Variants in KDM5A observed in about 807,000 individuals in gnomAD.
KDM5A encodes lysine-specific demethylase 5A.
In KDM5A, 42 loss-of-function variants were observed where a neutral mutation model predicts 193.5. The observed-to-expected ratio is 0.22, with a 90% CI of 0.17 to 0.28. KDM5A has a LOEUF of 0.28. KDM5A is among the 10% of genes least tolerant of loss of function. The probability of loss-of-function intolerance (pLI) is 1.00; values close to 1 mark genes in which losing one functional copy is unlikely to be tolerated. For synonymous variants in KDM5A, 796 were observed against 718.1 expected, an observed-to-expected ratio of 1.11 and a Z score of -1.73; for missense variants, 1,692 against 2,055.1, an observed-to-expected ratio of 0.82 and a Z score of 3.42.
chr12:324,817 G>T (rs1943762622), intron 14 of KDM5A, among the ~76,000 whole-genome samples: 1 of 151,684 alleles, frequency 6.6e-6, no homozygotes, highest in Non-Finnish European at 1.5e-5. Context: ...AGGTTGCAAT[G>T]AGCTGAGATC....
In KDM5A at chr12:355,166, C is replaced by A. The variant is rs747545022; in HGVS notation, c.862G>T (p.Val288Phe). The A allele has an allele frequency of 6.3e-7, 1 of 1,599,032 alleles. No individual in the cohort carries two copies. Among genetic ancestry groups the A allele is most frequent in the African/African-American group, 1.3e-5 (1 of 74,624 alleles). Residue 288 changes from valine (V) to phenylalanine (F), a missense_variant, in exon 7 of 28, where the codon GTT (valine) becomes TTT (phenylalanine). Physicochemically the swap from Val to Phe is conservative, Grantham distance 50 (BLOSUM62 -1). Around this residue, in one of 11 missense-constraint regions of KDM5A, gnomAD observed 134 missense variants for 124.2 expected, o/e 1.08. Coordinates refer to ENST00000399788, the MANE Select transcript of KDM5A (RefSeq NM_001042603.3). Reference protein sequence around the residue: ...QMRQRKGTLSVNFVDLYVCMF... With the variant: ...QMRQRKGTLSFNFVDLYVCMF... ...GACCCCAAAACACTTACAAAGTTAACAGAGAGAGTGCCTTTCCGTTGTCTC... is the reference window on the plus strand; with the variant it reads ...GACCCCAAAACACTTACAAAGTTAAAAGAGAGAGTGCCTTTCCGTTGTCTC...
rs771694040 is a variant in KDM5A, at chr12:293,177, A to T, written c.4456-8T>A. On this transcript the variant is annotated splice_region_variant and splice_polypyrimidine_tract_variant and intron_variant, in intron 26 of 27. Transcript: ENST00000399788. ...CTCTTCCATGCTGTCATCCTTCAAA[A>T]ATATAAATTTAGGAACAATTTTAAA... The T allele has an allele frequency of 8.1e-6, 13 of 1,609,772 alleles. 1 individual carries two copies. The South Asian group carries it at 1.4e-4, about 18-fold the overall frequency.
At chr12:350,942 C>G (rs984648248) in intron 9 of KDM5A, among the ~76,000 whole-genome samples, 163 bp from the exon 10 acceptor site, 7 of 152,088 alleles carry the variant, frequency 4.6e-5, no homozygotes, top group Admixed American at 1.3e-4. Flanking sequence ...CCAATGAGAA[C>G]AGGGAAAAGC....
chr12:311,114 G>A (rs749269713), intron 20 of KDM5A, 50 bp from the exon 21 acceptor site: 2 of 1,553,206 alleles, frequency 1.3e-6, no homozygotes, highest in South Asian at 1.1e-5. Flanking sequence ...TATGGGGTTT[G>A]GCAATATACT....
chr12:322,694 C>T, intron 16 of KDM5A, 127 bp from the exon 17 acceptor site: 1 of 794,162 alleles, frequency 1.3e-6, no homozygotes, highest in South Asian at 1.6e-5. Flanking sequence ...TTAGTAGAAA[C>T]AAACAGCTGT....
chr12:336,043 CAAAA>C (rs753624871), intron 10 of KDM5A, among the ~76,000 whole-genome samples: 2 of 42,020 alleles, frequency 4.8e-5, no homozygotes. Flanking sequence ...TACTTCATCT[CAAAA>C]AAAAAAAAAA....
intron 12 of KDM5A, among the ~76,000 whole-genome samples, chr12:332,229 T>C (rs1943875262): frequency 6.6e-6 from 1 of 152,214 alleles, no homozygotes; most frequent in Non-Finnish European, 1.5e-5. Flanking sequence ...ATACAATTTT[T>C]ACAATTTAGA....
intron 26 of KDM5A, among the ~76,000 whole-genome samples, chr12:294,992 C>G (rs906901580): frequency 6.6e-6 from 1 of 152,150 alleles, no homozygotes; most frequent in African/African-American, 2.4e-5. Flanking sequence ...CTTCTCTCCC[C>G]CCCAGGCTTC....
chr12:324,729 C>T (rs1195134701), intron 14 of KDM5A, among the ~76,000 whole-genome samples: 4 of 152,000 alleles, frequency 2.6e-5, no homozygotes, highest in Admixed American at 1.3e-4. Flanking sequence ...AAAAGTTAGC[C>T]GGGCGTGGTG....
intron 3 of KDM5A, among the ~76,000 whole-genome samples, chr12:379,168 C>A (rs1307260916): frequency 1.3e-5 from 2 of 150,544 alleles, no homozygotes; most frequent in Non-Finnish European, 2.9e-5. Context: ...ATTTTCAAAT[C>A]ATATATAAAA....
chr12:355,272 T>A (rs2137456656), intron 6 of KDM5A, 23 bp from the exon 7 acceptor site: 6 of 1,415,174 alleles, frequency 4.2e-6, no homozygotes, highest in Non-Finnish European at 6.0e-6. Context: ...AGTTACACAA[T>A]AATAGTAAAA....
intron 27 of KDM5A, among the ~76,000 whole-genome samples, chr12:291,342 C>T (rs535721060): frequency 1.3e-5 from 2 of 152,242 alleles, no homozygotes; most frequent in African/African-American, 2.4e-5. Flanking sequence ...AAATATGTGT[C>T]ATTTAGTTTT....
At chr12:314,552 G>GT (rs1313982632) in intron 19 of KDM5A, among the ~76,000 whole-genome samples, 1 of 152,170 alleles carries the variant, frequency 6.6e-6, no homozygotes, top group African/African-American at 2.4e-5. Context: ...ATGCTCTGTG[G>GT]TAAGTGTAAT....
At chr12:328,476 T>C (rs1430679718) in intron 14 of KDM5A, among the ~76,000 whole-genome samples, 1 of 152,148 alleles carries the variant, frequency 6.6e-6, no homozygotes, top group African/African-American at 2.4e-5. Context: ...AAAAGATTAA[T>C]TCAAACTGAC....
At chr12:299,087 T>TAAA (rs1943408572) in intron 24 of KDM5A, among the ~76,000 whole-genome samples, 1 of 151,448 alleles carries the variant, frequency 6.6e-6, no homozygotes, top group African/African-American at 2.4e-5. Flanking sequence ...GGTGTACCTG[T>TAAA]GTGATGGAAG....
intron 3 of KDM5A, among the ~76,000 whole-genome samples, chr12:379,200 C>A (rs1179897130): frequency 6.6e-6 from 1 of 151,854 alleles, no homozygotes; most frequent in Non-Finnish European, 1.5e-5. Flanking sequence ...TAGATGCCAA[C>A]AAACTGTCAG....
intron 24 of KDM5A, among the ~76,000 whole-genome samples, chr12:305,983 T>TGTTTTG (rs1565528020): frequency 6.7e-6 from 1 of 148,646 alleles, no homozygotes; most frequent in Non-Finnish European, 1.5e-5. Context: ...TTTTTTTTTT[T>TGTTTTG]TTTTTTTTGA....
At chr12:335,858 A>G (rs368122126) in intron 10 of KDM5A, among the ~76,000 whole-genome samples, 1 of 151,550 alleles carries the variant, frequency 6.6e-6, no homozygotes, top group Admixed American at 6.6e-5. Context: ...CCTGGCCAAC[A>G]TAGTGAAACC....
intron 3 of KDM5A, among the ~76,000 whole-genome samples, chr12:381,375 G>A (rs1846450826): frequency 6.6e-6 from 1 of 152,042 alleles, no homozygotes; most frequent in South Asian, 2.1e-4. Context: ...GCCTTCCAAA[G>A]TGCTGGGATT....
Sources: allele counts gnomAD v4.1 joint callset (sites outside exome capture counted in the v4.1 genomes callset), GRCh38; gene constraint gnomAD v4.1.1; regional missense constraint gnomAD v4.1.1; transcripts MANE v1.5; gene names NCBI Gene and HGNC (gene_info 2026-07-23, HGNC 2026-07-21).